FANCC: variants seen among roughly 807,000 people sequenced by gnomAD.
FANCC encodes the protein FA complementation group C.
FANCC carries 55 observed loss-of-function variants against 71.3 expected under a neutral mutation model. The observed-to-expected ratio is 0.77, with a 90% confidence interval of 0.62 to 0.97. FANCC has a LOEUF of 0.97. FANCC is among the 50% of genes least tolerant of loss of function. The probability of loss-of-function intolerance (pLI) is 0.00; values close to 1 mark genes in which losing one functional copy is unlikely to be tolerated. For synonymous variants in FANCC, 275 were observed against 244.9 expected (o/e 1.12, Z -1.15); for missense variants, 678 against 670.9 (o/e 1.01, Z -0.12).
chr9:95,258,690 G>A (rs1432272473), intron 1 of FANCC, among the ~76,000 whole-genome samples: 2 of 152,036 alleles, frequency 1.3e-5, no homozygotes, highest in Admixed American at 1.3e-4. Context: ...TTCTGGCCAG[G>A]GCAATCAGGC....
At chr9:95,240,560 A>C in intron 4 of FANCC, 89 bp downstream of exon 4, 16 of 825,270 alleles carry the variant, frequency 1.9e-5, no homozygotes, top group Non-Finnish European at 2.3e-5. Flanking sequence ...ATAGAACTGG[A>C]TTCCACCCCA....
At chr9:95,179,263 CAAACTCTCAGACA>C (rs1443166367) in intron 4 of FANCC, among the ~76,000 whole-genome samples, 1 of 152,152 alleles carries the variant, frequency 6.6e-6, no homozygotes, top group Non-Finnish European at 1.5e-5. Flanking sequence ...GTTAGAAATA[CAAACTCTCAGACA>C]AAACCCTGAC....
chr9:95,117,331 C>T lies in FANCC; in HGVS notation c.1056G>A (p.Leu352=), dbSNP rs2072501806. Residue 352 remains leucine (L), a synonymous_variant, in exon 11 of 15, where the codon CTG becomes CTA. Transcript: ENST00000289081. ...PYTSPSLAMV[L]LQDPQDIPRG... ...CTAACTCACCTTGAGGGTCTTGCAG[C>T]AGCACCATGGCAAGAGATGGAGAAG... The T allele has an allele frequency of 2.5e-6, 4 of 1,614,058 alleles. No homozygotes were observed. The highest frequency in any genetic ancestry group is 3.4e-6 in the Non-Finnish European group (4 of 1,179,980).
At position 95,148,223 on chromosome 9, in the gene FANCC, C is replaced by T. The variant is rs117245703; in HGVS notation, c.686+1700G>A. ...GATACTTTTAAAAAAGAATTCTGTA[C>T]GGTGAAAAGGAAAGTGTGCATAAAG... On this transcript the variant is annotated intron_variant, in intron 7 of 14. Transcript: ENST00000289081. 3.4e-3 allele frequency among the ~76,000 whole-genome samples: 510 copies of T among 152,232 alleles called. 9 individuals carry two copies. In the East Asian group the frequency reaches 0.043, roughly 13 times the overall value.
At chr9:95,229,876 T>C (rs1475737756) in intron 4 of FANCC, among the ~76,000 whole-genome samples, 1 of 152,036 alleles carries the variant, frequency 6.6e-6, no homozygotes, top group Non-Finnish European at 1.5e-5. Flanking sequence ...AAATTCTGGG[T>C]AGTCTTACCT....
chr9:95,311,507 A>C (rs1356345314), intron 1 of FANCC, among the ~76,000 whole-genome samples: 1 of 152,316 alleles, frequency 6.6e-6, no homozygotes, highest in East Asian at 1.9e-4. Flanking sequence ...CTTTGAACTG[A>C]ACCAGGTAAA....
In FANCC at chr9:95,191,676, T is replaced by C. The variant is rs1023512871; in HGVS notation, c.346-19529A>G. Among the ~76,000 whole-genome samples, 6 of 152,260 alleles carry C rather than the reference T, an allele frequency of 3.9e-5. 1 individual carries two copies. In the East Asian group the frequency reaches 9.7e-4, roughly 25 times the overall value. ...CCATCCCCAAGCCCCTTTTTCATCT[T>C]TGCCACCCAAGAACATGATTCTACC... On this transcript the variant is annotated intron_variant, in intron 4 of 14. Transcript: ENST00000289081.
rs202175311 is a variant in FANCC at position 95,149,763 on chromosome 9, GCCA to G, written c.686+157_686+159del. Among the ~76,000 whole-genome samples, 1,717 of 152,220 alleles carry G rather than the reference GCCA, an allele frequency of 0.011. 31 individuals carry two copies. Among genetic ancestry groups the G allele is most frequent in the African/African-American group, 0.039 (1,621 of 41,518 alleles). ...CAAAGTGCTGGGATTACAGGTGTGA[GCCA>G]CCACACCTGGCCGGGATACTCAGTA... On this transcript the variant is annotated intron_variant, in intron 7 of 14. Coordinates refer to ENST00000289081, the MANE Select transcript of FANCC (RefSeq NM_000136.3).
intron 13 of FANCC, 23 bp from the exon 14 acceptor site, chr9:95,107,292 G>A: frequency 6.2e-7 from 1 of 1,608,544 alleles, no homozygotes; most frequent in Non-Finnish European, 8.5e-7. Context: ...ATTTCACAGG[G>A]GAGAGGTTAG....
intron 4 of FANCC, among the ~76,000 whole-genome samples, chr9:95,216,427 T>C (rs1242653595): frequency 6.6e-6 from 1 of 152,166 alleles, no homozygotes; most frequent in African/African-American, 2.4e-5. Context: ...TTGATAAAAA[T>C]AGACAGAAAA....
intron 4 of FANCC, among the ~76,000 whole-genome samples, chr9:95,211,835 A>G (rs1564757055): frequency 6.6e-6 from 1 of 151,924 alleles, no homozygotes; most frequent in Non-Finnish European, 1.5e-5. Flanking sequence ...AAAGAAAAAC[A>G]TAATCAGGAG....
Position 95,100,989 on chromosome 9 carries a change from AACTG to A in FANCC, c.*714_*717del, listed in dbSNP as rs1255262960. ...TTTCCATTTAACAAGAGAACTAACT[AACTG>A]AATTAATCCTGCCTTCTAATGTTTC... On this transcript the variant is annotated 3_prime_UTR_variant, in exon 15 of 15. Coordinates refer to ENST00000289081, the MANE Select transcript of FANCC (RefSeq NM_000136.3). 2 of 232,122 alleles carry A rather than the reference AACTG, an allele frequency of 8.6e-6. No individual in the cohort carries two copies. Among genetic ancestry groups the A allele is most frequent in the Non-Finnish European group, 1.7e-5 (2 of 118,128 alleles). 14.4% of individuals were successfully genotyped at this position (232,122 alleles called of 1,614,324 possible). A position where few individuals can be genotyped will look rare whatever the true frequency, so the allele number is the denominator to read the frequency against.
chr9:95,102,679 T>C (rs1370943334), intron 14 of FANCC, among the ~76,000 whole-genome samples: 1 of 152,178 alleles, frequency 6.6e-6, no homozygotes, highest in African/African-American at 2.4e-5. Flanking sequence ...ACTGCCTTGG[T>C]TTTCCCAGGA....
intron 1 of FANCC, among the ~76,000 whole-genome samples, chr9:95,264,580 C>T (rs77696071): frequency 3.7e-4 from 57 of 152,270 alleles, no homozygotes; most frequent in Non-Finnish European, 5.6e-4. Flanking sequence ...ATAAGCTTCT[C>T]AAAGTGGAGG....
In FANCC at chr9:95,101,700, G is replaced by A. The variant is rs372511678; in HGVS notation, c.*7C>T. On this transcript the variant is annotated 3_prime_UTR_variant, in exon 15 of 15. Coordinates refer to ENST00000289081, the MANE Select transcript of FANCC (RefSeq NM_000136.3). ...CACGCCGGGCACCCACACGGCCTGC[G>A]TGCCTTCTAGACTTGAGTTCGCAGC... 17 of 1,613,544 alleles carry A rather than the reference G, an allele frequency of 1.1e-5. No homozygotes were observed. Among genetic ancestry groups the A allele is most frequent in the African/African-American group, 2.7e-5 (2 of 74,922 alleles).
At chr9:95,237,375 T>C (rs1251073567) in intron 4 of FANCC, among the ~76,000 whole-genome samples, 1 of 152,236 alleles carries the variant, frequency 6.6e-6, no homozygotes, top group Non-Finnish European at 1.5e-5. Context: ...TTATTATCTC[T>C]GCTTCCTCAC....
chr9:95,181,736 T>C (rs1473231293), intron 4 of FANCC, among the ~76,000 whole-genome samples: 1 of 152,208 alleles, frequency 6.6e-6, no homozygotes, highest in Non-Finnish European at 1.5e-5. Context: ...GAGTAGAAAG[T>C]ATGGGAACCA....
At chr9:95,124,334 G>A (rs748953116) in intron 10 of FANCC, among the ~76,000 whole-genome samples, 1 of 152,088 alleles carries the variant, frequency 6.6e-6, no homozygotes, top group South Asian at 2.1e-4. Context: ...TTCTGTGGCC[G>A]TTAGAAATCA....
chr9:95,228,779 A>G (rs1649505132), intron 4 of FANCC, among the ~76,000 whole-genome samples: 1 of 152,038 alleles, frequency 6.6e-6, no homozygotes, highest in East Asian at 1.9e-4. Context: ...GGAGAGGAGC[A>G]GTGAAGGCAG....
Sources: allele counts gnomAD v4.1 joint callset (sites outside exome capture counted in the v4.1 genomes callset), GRCh38; gene constraint gnomAD v4.1.1; transcripts MANE v1.5; gene names NCBI Gene and HGNC (gene_info 2026-07-23, HGNC 2026-07-21).